Variants in LMO7 observed in about 807,000 individuals in gnomAD.
LMO7 encodes the protein LIM domain 7.
A neutral mutation model predicts 206.5 loss-of-function variants in LMO7; 120 were observed. That is an observed-to-expected ratio of 0.58 (90% CI 0.50 to 0.68). The LOEUF (loss-of-function observed/expected upper bound fraction) is 0.68, where lower values mean the gene tolerates loss of function less well. LMO7 is among the 30% of genes least tolerant of loss of function. LMO7 has a pLI of 0.00. For missense variants in LMO7, 1,959 were observed against 1,957.9 expected (o/e 1.00, Z -0.01); for synonymous variants, 706 against 681.5 (o/e 1.04, Z -0.56).
At chr13:75,729,772 G>C (rs932909808) in intron 3 of LMO7, among the ~76,000 whole-genome samples, 2 of 151,134 alleles carry the variant, frequency 1.3e-5, no homozygotes, top group Non-Finnish European at 2.9e-5. Context: ...GTTTGTCATA[G>C]ATAGCTCTTA....
Position 75,858,842 on chromosome 13 carries a change from T to C in LMO7, c.*899T>C. The C allele has an allele frequency of 6.6e-6, 1 of 152,250 alleles. No homozygotes were observed. The highest frequency in any genetic ancestry group is 1.5e-5 in the Non-Finnish European group (1 of 68,022). The allele number at this position is 152,250 out of a possible 1,614,324, so 9.4% of individuals were successfully genotyped here. A position where few individuals can be genotyped will look rare whatever the true frequency, so the allele number is the denominator to read the frequency against. ...TTAAAGTGTATACTTTGACAAATTT[T>C]GACATGGTGTATACCTTCGAAACTA... On this transcript the variant is annotated 3_prime_UTR_variant, in exon 31 of 31. Transcript: ENST00000377534.
At chr13:75,766,222 T>A (rs1168341981) in intron 4 of LMO7, among the ~76,000 whole-genome samples, 1 of 146,030 alleles carries the variant, frequency 6.8e-6, no homozygotes. Context: ...CTGAAATACC[T>A]GTAGTTCCCT....
intron 4 of LMO7, among the ~76,000 whole-genome samples, chr13:75,781,868 T>G (rs2051505868): frequency 6.6e-6 from 1 of 152,248 alleles, no homozygotes; most frequent in South Asian, 2.1e-4. Flanking sequence ...TGCATTTCTC[T>G]GATGGCCAGT....
intron 4 of LMO7, among the ~76,000 whole-genome samples, chr13:75,785,688 A>G (rs537053689): frequency 2.0e-5 from 3 of 152,348 alleles, no homozygotes; most frequent in East Asian, 3.9e-4. Flanking sequence ...TAGAATTAGT[A>G]CTTTTAAAAA....
rs558144653 is a variant in LMO7, at chr13:75,730,213, C to T, written c.210+3115C>T. Among the ~76,000 whole-genome samples, 821 of 152,170 alleles carry T rather than the reference C, an allele frequency of 5.4e-3. 15 individuals carry two copies. Among genetic ancestry groups the T allele is most frequent in the African/African-American group, 0.018 (767 of 41,516 alleles). ...GTTTCAGAAGGAATGGTACCAGTTC[C>T]TCCTTGTACCTCTGGTAGTATTTGG... On this transcript the variant is annotated intron_variant, in intron 3 of 30. Transcript: ENST00000377534.
rs1202474643 is a variant in LMO7, at chr13:75,762,640, T to C, written c.317+1602T>C. ...ATTAGTATCTGGGCTCTGCCTTCAGTGAAATTACTGACAAACTGAAACTGC... is the reference window on the plus strand; with the variant it reads ...ATTAGTATCTGGGCTCTGCCTTCAGCGAAATTACTGACAAACTGAAACTGC... On this transcript the variant is annotated intron_variant, in intron 4 of 30. Transcript: ENST00000377534. 2.6e-5 allele frequency among the ~76,000 whole-genome samples: 4 copies of C among 152,220 alleles called. No homozygotes were observed. The East Asian group carries it at 5.8e-4, about 22-fold the overall frequency.
chr13:75,645,945 T>C (rs1431308645), intron 1 of LMO7, among the ~76,000 whole-genome samples: 1 of 152,222 alleles, frequency 6.6e-6, no homozygotes, highest in Admixed American at 6.5e-5. Flanking sequence ...CGCTGATTGC[T>C]TCCATATTTA....
At chr13:75,728,677 GT>G (rs1448829465) in intron 3 of LMO7, among the ~76,000 whole-genome samples, 3 of 137,564 alleles carry the variant, frequency 2.2e-5, no homozygotes, top group East Asian at 4.3e-4. Context: ...TGCTTTTTGT[GT>G]TTTAGACATG....
chr13:75,769,071 A>G (rs2049280738), intron 4 of LMO7, among the ~76,000 whole-genome samples: 2 of 152,154 alleles, frequency 1.3e-5, no homozygotes. Flanking sequence ...ACTGGGAAGT[A>G]TAATATTATG....
At chr13:75,692,148 T>C (rs2041536585) in intron 1 of LMO7, among the ~76,000 whole-genome samples, 1 of 152,186 alleles carries the variant, frequency 6.6e-6, no homozygotes, top group South Asian at 2.1e-4. Context: ...TGTGACAGTA[T>C]TTTCAAACTT....
intron 11 of LMO7, among the ~76,000 whole-genome samples, chr13:75,813,559 G>A (rs2056665250): frequency 1.3e-5 from 2 of 152,114 alleles, no homozygotes. Flanking sequence ...CTTGATGTGG[G>A]TAACTTTTTG....
At chr13:75,716,368 T>C (rs1274358387) in intron 2 of LMO7, among the ~76,000 whole-genome samples, 1 of 152,196 alleles carries the variant, frequency 6.6e-6, no homozygotes, top group Non-Finnish European at 1.5e-5. Flanking sequence ...TATGCGTTCA[T>C]TGCCTTTTAA....
chr13:75,752,666 A>G (rs1046969592), intron 3 of LMO7, among the ~76,000 whole-genome samples: 2 of 152,122 alleles, frequency 1.3e-5, no homozygotes, highest in African/African-American at 2.4e-5. Flanking sequence ...TTTGGCTCCC[A>G]CTTATGAGAA....
intron 1 of LMO7, among the ~76,000 whole-genome samples, chr13:75,702,397 A>G (rs982771056): frequency 5.9e-5 from 9 of 152,168 alleles, no homozygotes; most frequent in Admixed American, 5.9e-4. Context: ...GACCACTGTG[A>G]GACTTTTGGG....
At chr13:75,644,873 C>T (rs2036874170) in intron 1 of LMO7, among the ~76,000 whole-genome samples, 2 of 152,300 alleles carry the variant, frequency 1.3e-5, no homozygotes, top group Middle Eastern at 3.4e-3. Context: ...TTCAAGCGAT[C>T]CTCCCACCTT....
intron 1 of LMO7, among the ~76,000 whole-genome samples, chr13:75,653,341 C>T (rs771922421): frequency 2.6e-5 from 4 of 151,944 alleles, no homozygotes; most frequent in East Asian, 1.9e-4. Flanking sequence ...TCCTGGTGTG[C>T]TTTCTGTGAC....
chr13:75,835,082 G>A, intron 17 of LMO7, 151 bp from the exon 18 acceptor site: 2 of 867,456 alleles, frequency 2.3e-6, no homozygotes, highest in Non-Finnish European at 1.6e-6. Context: ...ATATATATGT[G>A]CATTCAATGA....
intron 1 of LMO7, among the ~76,000 whole-genome samples, chr13:75,689,416 T>A (rs1458378839): frequency 2.0e-5 from 3 of 152,198 alleles, no homozygotes; most frequent in Non-Finnish European, 2.9e-5. Context: ...ATGAACATAC[T>A]CAATTTTTCC....
At chr13:75,791,494 G>C (rs1171719713) in intron 4 of LMO7, among the ~76,000 whole-genome samples, 1 of 152,128 alleles carries the variant, frequency 6.6e-6, no homozygotes, top group Non-Finnish European at 1.5e-5. Context: ...TATTTAACCA[G>C]AATTTGAGAG....
Sources: gnomAD v4.1 joint callset for allele counts (sites outside exome capture counted in the v4.1 genomes callset) on GRCh38, gnomAD v4.1.1 for gene constraint, MANE v1.5 for transcripts, NCBI Gene and HGNC (gene_info 2026-07-23, HGNC 2026-07-21) for gene names.